The following FSTL4 variants were observed in gnomAD, a reference collection of about 807,000 sequenced individuals.
FSTL4 encodes the protein follistatin like 4.
In FSTL4, 28 loss-of-function variants were observed where a neutral mutation model predicts 78.2. The ratio of observed to expected loss-of-function variants is 0.36; its 90% confidence interval spans 0.27 to 0.49. The LOEUF is 0.49. Ranked by LOEUF, FSTL4 falls within the 20% of genes least tolerant of loss-of-function variation. The pLI is 0.98. For synonymous variants in FSTL4, 422 were observed against 440.5 expected (o/e 0.96, Z 0.53); for missense variants, 922 against 1,084.9 (o/e 0.85, Z 2.11).
At chr5:133,690,915 C>T in the FSTL4 span, among the ~76,000 whole-genome samples, 3,621 of 152,242 alleles carry the variant, frequency 0.024, 141 homozygotes, top group African/African-American at 0.083. Context: ...ACGTTTCCTC[C>T]ACCCTGGCAG....
chr5:133,570,206 C>CA (rs923597727), intron 2 of FSTL4, among the ~76,000 whole-genome samples: 316 of 128,670 alleles, frequency 2.5e-3, no homozygotes, highest in African/African-American at 5.8e-3. Context: ...GACTCCGTCT[C>CA]AAAAAAAAAA....
the FSTL4 span, among the ~76,000 whole-genome samples, chr5:133,709,824 G>T: frequency 1.3e-5 from 2 of 152,236 alleles, no homozygotes. Flanking sequence ...TGTGAGGATA[G>T]ATCTCACTTT....
intron 5 of FSTL4, among the ~76,000 whole-genome samples, chr5:133,313,262 T>C (rs1753831446): frequency 6.6e-6 from 1 of 152,180 alleles, no homozygotes; most frequent in Non-Finnish European, 1.5e-5. Flanking sequence ...CCCTTACCCA[T>C]GGCAGGCAGT....
intron 4 of FSTL4, among the ~76,000 whole-genome samples, chr5:133,355,608 A>C (rs989548567): frequency 1.3e-5 from 2 of 152,198 alleles, no homozygotes; most frequent in Non-Finnish European, 2.9e-5. Context: ...GTGAGTCGAG[A>C]TCGTGCCACT....
At chr5:133,216,335 G>C (rs574021998) in intron 13 of FSTL4, among the ~76,000 whole-genome samples, 59 of 152,216 alleles carry the variant, frequency 3.9e-4, no homozygotes, top group African/African-American at 1.4e-3. Context: ...CTGCTGCCCA[G>C]GCTGGAGTGC....
At chr5:133,734,069 C>A in the FSTL4 span, among the ~76,000 whole-genome samples, 1 of 152,326 alleles carries the variant, frequency 6.6e-6, no homozygotes, top group African/African-American at 2.4e-5. Flanking sequence ...CCTTGGAATG[C>A]AAATATTGTT....
chr5:133,416,529 C>T (rs940354687), intron 3 of FSTL4, among the ~76,000 whole-genome samples: 1 of 152,128 alleles, frequency 6.6e-6, no homozygotes, highest in Non-Finnish European at 1.5e-5. Flanking sequence ...ACATTTATTA[C>T]TTTTATAGAC....
chr5:133,553,504 T>C (rs747579138), intron 3 of FSTL4, among the ~76,000 whole-genome samples: 1 of 152,194 alleles, frequency 6.6e-6, no homozygotes, highest in African/African-American at 2.4e-5. Flanking sequence ...GGTCAATAAA[T>C]AAGTCACCAA....
At chr5:133,818,204 A>C in the FSTL4 span, among the ~76,000 whole-genome samples, 2 of 152,186 alleles carry the variant, frequency 1.3e-5, no homozygotes, top group Non-Finnish European at 2.9e-5. Context: ...AGAAATTCTG[A>C]TAGCAGCAGC....
intron 7 of FSTL4, among the ~76,000 whole-genome samples, chr5:133,245,122 A>AG (rs1491116197): frequency 2.5e-4 from 17 of 66,878 alleles, no homozygotes. Context: ...CCTACTGCCT[A>AG]AAAAAAAAAA....
At chr5:133,728,101 G>A in the FSTL4 span, among the ~76,000 whole-genome samples, 1 of 152,220 alleles carries the variant, frequency 6.6e-6, no homozygotes, top group African/African-American at 2.4e-5. Flanking sequence ...TGGCATTCCA[G>A]CCTGTTTACA....
chr5:133,355,696 A>G (rs1055677028), intron 4 of FSTL4, among the ~76,000 whole-genome samples: 15 of 152,164 alleles, frequency 9.9e-5, no homozygotes, highest in Non-Finnish European at 1.3e-4. Flanking sequence ...AACAAACAAC[A>G]ACACAACAAT....
At chr5:133,359,744 C>A (rs1755028801) in intron 4 of FSTL4, among the ~76,000 whole-genome samples, 2 of 152,210 alleles carry the variant, frequency 1.3e-5, no homozygotes, top group South Asian at 2.1e-4. Flanking sequence ...TCTGCCCCAC[C>A]CTCATTCAGC....
At chr5:133,317,236 A>G (rs1165920905) in intron 4 of FSTL4, among the ~76,000 whole-genome samples, 2 of 152,256 alleles carry the variant, frequency 1.3e-5, no homozygotes, top group Non-Finnish European at 2.9e-5. Context: ...AAACCGAAGC[A>G]CACAGCTCGT....
At chr5:133,481,443 G>A (rs1176104548) in intron 3 of FSTL4, among the ~76,000 whole-genome samples, 5 of 150,678 alleles carry the variant, frequency 3.3e-5, no homozygotes, top group African/African-American at 9.8e-5. Flanking sequence ...TTGAGAGGCT[G>A]AGGCAGGAGA....
At chr5:133,432,087 A>G (rs1174958921) in intron 3 of FSTL4, among the ~76,000 whole-genome samples, 1 of 152,164 alleles carries the variant, frequency 6.6e-6, no homozygotes, top group Non-Finnish European at 1.5e-5. Context: ...TAAGTTGTCA[A>G]TCACATCTGT....
intron 3 of FSTL4, among the ~76,000 whole-genome samples, chr5:133,537,795 T>TAC (rs887190103): frequency 1.3e-5 from 2 of 151,218 alleles, no homozygotes; most frequent in African/African-American, 4.9e-5. Flanking sequence ...TATATATATA[T>TAC]ATACACACAC....
chr5:133,228,410 T>A (rs1370346390), intron 8 of FSTL4, among the ~76,000 whole-genome samples: 2 of 152,186 alleles, frequency 1.3e-5, no homozygotes, highest in East Asian at 3.8e-4. Context: ...AGGGAAGATG[T>A]TCCAAATTAC....
chr5:133,761,843 A>G, the FSTL4 span, among the ~76,000 whole-genome samples: 2 of 152,234 alleles, frequency 1.3e-5, no homozygotes, highest in African/African-American at 4.8e-5. Flanking sequence ...CACACCAGTC[A>G]TTTCTAGTGA....
Sources: gnomAD v4.1 joint callset for allele counts (sites outside exome capture counted in the v4.1 genomes callset) on GRCh38, gnomAD v4.1.1 for gene constraint, MANE v1.5 for transcripts, NCBI Gene and HGNC (gene_info 2026-07-23, HGNC 2026-07-21) for gene names.